The following EPHB4 variants were observed in gnomAD, a reference collection of about 807,000 sequenced individuals.
EPHB4 encodes ephrin type-B receptor 4.
Under a neutral mutation model 110.6 loss-of-function variants are expected in EPHB4, and 50 were observed. That is an observed-to-expected ratio of 0.45 (90% CI 0.36 to 0.57). The LOEUF is 0.57. EPHB4 is among the 20% of genes least tolerant of loss of function. The probability of loss-of-function intolerance (pLI) is 0.00; values close to 1 mark genes in which losing one functional copy is unlikely to be tolerated. For missense variants in EPHB4, 1,128 were observed against 1,382.1 expected, an observed-to-expected ratio of 0.82 and a Z score of 2.91; for synonymous variants, 592 against 578.4, an observed-to-expected ratio of 1.02 and a Z score of -0.34.
intron 1 of EPHB4, among the ~76,000 whole-genome samples, chr7:100,826,021 C>G (rs1313200530): frequency 6.6e-6 from 1 of 152,226 alleles, no homozygotes; most frequent in Admixed American, 6.5e-5. Context: ...GTTTTTCTAA[C>G]GCCGCTGAAT....
intron 7 of EPHB4, among the ~76,000 whole-genome samples, chr7:100,818,162 C>T (rs981526329): frequency 6.6e-6 from 1 of 151,894 alleles, no homozygotes; most frequent in Non-Finnish European, 1.5e-5. Context: ...CTACCGCGCC[C>T]GGCCCATTTT....
At position 100,808,235 on chromosome 7, in the gene EPHB4, T is replaced by TA. The variant is rs548366407; in HGVS notation, c.2119-656dup. Among the ~76,000 whole-genome samples the TA allele has an allele frequency of 8.3e-3, 1,267 of 152,330 alleles. 22 individuals carry two copies. Among genetic ancestry groups the TA allele is most frequent in the African/African-American group, 0.029 (1,205 of 41,564 alleles). ...ATGCTTTTCTGTTTTTTAGTTTTTT[T>TA]AGAGACAAGGTCTCTTTCTTTCCCC... On this transcript the variant is annotated intron_variant, in intron 12 of 16. Coordinates refer to ENST00000358173, the MANE Select transcript of EPHB4 (RefSeq NM_004444.5).
In EPHB4 at chr7:100,813,202, T is replaced by C. The variant is rs1812982089; in HGVS notation, c.1763A>G (p.Lys588Arg). 2 of 1,601,828 alleles carry C rather than the reference T, an allele frequency of 1.2e-6. No individual in the cohort carries two copies. The highest frequency in any genetic ancestry group is 2.7e-5 in the African/African-American group (2 of 74,880). ...ATAAGTGAAGGGGTCGATGTAGACC[T>C]TAGTACCTGAGAAATCAGGCAGGGC... ...HGQYLIGHGT[K>R]VYIDPFTYED... is the part of the protein sequence containing the mutation. The change falls in exon 11 of 17, where the codon AAG (lysine) becomes AGG (arginine). Residue 588 changes from lysine to arginine, a missense_variant. Lys to Arg is a conservative substitution (Grantham distance 26). Around this residue, in one of 3 missense-constraint regions of EPHB4, gnomAD observed 728 missense variants for 828.6 expected, o/e 0.88. Transcript: ENST00000358173.
chr7:100,810,490 C>T (rs1304977653), intron 12 of EPHB4, among the ~76,000 whole-genome samples: 1 of 152,064 alleles, frequency 6.6e-6, no homozygotes, highest in African/African-American at 2.4e-5. Flanking sequence ...GCCTGTAATC[C>T]CAGCACTTTG....
chr7:100,814,374 G>C (rs1466637903), intron 8 of EPHB4, among the ~76,000 whole-genome samples: 3 of 152,148 alleles, frequency 2.0e-5, no homozygotes, highest in African/African-American at 7.2e-5. Context: ...CGCCTCCCGG[G>C]TTCTGCGATT....
chr7:100,817,107 T>C (rs1215265453), intron 8 of EPHB4, 85 bp downstream of exon 8: 10 of 1,055,408 alleles, frequency 9.5e-6, no homozygotes, highest in Admixed American at 4.2e-5. Context: ...AAAAAAAAGA[T>C]GATGGGACTT....
chr7:100,805,613 A>G lies in EPHB4; in HGVS notation c.2566T>C (p.Cys856Arg). 6.4e-7 allele frequency: 1 copy of G among 1,561,898 alleles called. No homozygotes were observed. Among genetic ancestry groups the G allele is most frequent in the Non-Finnish European group, 8.7e-7 (1 of 1,154,720 alleles). ...CGGGCATTCCGGTCTTTCTGCCAACAGTCCAGCATGAGCTGGTGGAGGGAG... is the reference window on the plus strand; with the variant it reads ...CGGGCATTCCGGTCTTTCTGCCAACGGTCCAGCATGAGCTGGTGGAGGGAG... ...PTSLHQLMLD[C>R]WQKDRNARPR... Residue 856 changes from cysteine (C) to arginine (R), a missense_variant, in exon 15 of 17, where the codon TGT becomes CGT. Transcript: ENST00000358173.
At chr7:100,812,148 G>A (rs989472975) in intron 12 of EPHB4, among the ~76,000 whole-genome samples, 2 of 151,590 alleles carry the variant, frequency 1.3e-5, no homozygotes, top group Admixed American at 1.3e-4. Flanking sequence ...CTCCGGCCTG[G>A]GCAACAAGAG....
At chr7:100,805,985 A>C in intron 14 of EPHB4, 1 of 341,368 alleles carries the variant, frequency 2.9e-6, no homozygotes, top group Non-Finnish European at 5.2e-6. Flanking sequence ...ATTAAGACAG[A>C]GTCTCGCTCA....
chr7:100,826,544 G>A (rs906720830), intron 1 of EPHB4, among the ~76,000 whole-genome samples: 4 of 152,056 alleles, frequency 2.6e-5, no homozygotes, highest in Admixed American at 2.6e-4. Context: ...TTGGCGCTGG[G>A]GGTCGTTTTA....
At position 100,805,368 on chromosome 7, in the gene EPHB4, C is replaced by G. The variant is rs367858878; in HGVS notation, c.2679-47G>C. 1.9e-6 allele frequency: 3 copies of G among 1,609,142 alleles called. No individual in the cohort carries two copies. In the Admixed American group the frequency reaches 5.0e-5, roughly 27 times the overall value. On this transcript the variant is annotated intron_variant, in intron 15 of 16. Transcript: ENST00000358173. Reference sequence around the variant, plus strand: ...GAATGCTGAGTACCAGGCCCAGGTCCGGGGGAGGAGGTGGAACCCAGCCTT... The same window carrying G: ...GAATGCTGAGTACCAGGCCCAGGTCGGGGGGAGGAGGTGGAACCCAGCCTT...
rs770387740 is a variant in EPHB4, at chr7:100,813,678, TTGTC to T, written c.1726_1729del (p.Asp576AsnfsTer27). On this transcript the variant is annotated frameshift_variant, in exon 10 of 17. Coordinates refer to ENST00000358173, the MANE Select transcript of EPHB4 (RefSeq NM_004444.5). LOFTEE classifies it high-confidence loss of function. ...ATGTCCGATGAGATACTGTCCGTGTTTGTCCGAATATTCTGCTTCTCTCCCATTG... is the reference window on the plus strand; with the variant it reads ...ATGTCCGATGAGATACTGTCCGTGTTCGAATATTCTGCTTCTCTCCCATTG... 1 of 1,614,084 alleles carries T rather than the reference TTGTC, an allele frequency of 6.2e-7. No homozygotes were observed. Among genetic ancestry groups the T allele is most frequent in the Non-Finnish European group, 8.5e-7 (1 of 1,180,022 alleles).
Position 100,807,573 on chromosome 7 carries a change from T to A in EPHB4, c.2126A>T (p.Asp709Val), listed in dbSNP as rs1293578781. The change falls in exon 13 of 17, where the codon GAC becomes GTC. Residue 709 changes from aspartate (D) to valine (V), a missense_variant. Coordinates refer to ENST00000358173, the MANE Select transcript of EPHB4 (RefSeq NM_004444.5). ...GALDSFLRLN[D>V]GQFTVIQLVG... ...GAGCTGGATGACTGTGAACTGTCCGTCGTTTAGCTGGAGAGCAGATAGGGT... is the reference window on the plus strand; with the variant it reads ...GAGCTGGATGACTGTGAACTGTCCGACGTTTAGCTGGAGAGCAGATAGGGT... 9 of 1,612,398 alleles carry A rather than the reference T, an allele frequency of 5.6e-6. No individual in the cohort carries two copies. Among genetic ancestry groups the A allele is most frequent in the Non-Finnish European group, 7.6e-6 (9 of 1,179,028 alleles).
Position 100,822,694 on chromosome 7 carries a change from T to C in EPHB4, c.412-27A>G. 6.6e-7 allele frequency: 1 copy of C among 1,514,336 alleles called. No individual in the cohort carries two copies. The highest frequency in any genetic ancestry group is 8.9e-7 in the Non-Finnish European group (1 of 1,127,192). The allele number at this position is 1,514,336 out of a possible 1,614,324, so 93.8% of individuals were successfully genotyped here. Reference sequence around the variant, plus strand: ...TGCCGGCGGGGGGGAGGCACACCGCTGCTGTCCCCACTCCCTGAGGACCCA... The same window carrying C: ...TGCCGGCGGGGGGGAGGCACACCGCCGCTGTCCCCACTCCCTGAGGACCCA... On this transcript the variant is annotated intron_variant, in intron 3 of 16. Coordinates refer to ENST00000358173, the MANE Select transcript of EPHB4 (RefSeq NM_004444.5). This position sits in a 1 kb window ranked among gnomAD's most constrained non-coding sequence, Gnocchi z 4.7.
In EPHB4 at chr7:100,818,563, G is replaced by A. The variant is rs1813138929; in HGVS notation, c.1379C>T (p.Pro460Leu). 6.2e-7 allele frequency: 1 copy of A among 1,613,988 alleles called. No homozygotes were observed. Among genetic ancestry groups the A allele is most frequent in the Non-Finnish European group, 8.5e-7 (1 of 1,180,038 alleles). Residue 460 changes from proline to leucine, a missense_variant, in exon 7 of 17, where the codon CCC becomes CTC. Pro to Leu is a moderately conservative substitution (Grantham distance 98, BLOSUM62 -3). Coordinates refer to ENST00000358173, the MANE Select transcript of EPHB4 (RefSeq NM_004444.5). ...LSLAWAVPRA[P>L]SGAVLDYEVK... ...CTCGTAGTCCAGCACAGCCCCACTG[G>A]GTGCCCGGGGAACAGCCCAGGCCAG...
intron 8 of EPHB4, among the ~76,000 whole-genome samples, chr7:100,816,309 G>A (rs546768958): frequency 1.3e-5 from 2 of 151,982 alleles, no homozygotes; most frequent in South Asian, 4.2e-4. Context: ...CAGGGGTCAG[G>A]TTGTTGCTAA....
In EPHB4 at chr7:100,817,244, C is replaced by T. The variant is rs1474084202; in HGVS notation, c.1536G>A (p.Glu512=). Reference sequence around the variant, plus strand: ...CCTGGCCGAAGGGCCCGTAGCCGGCCTCAGAGCGCGCCCGTACCTGCACCA... The same window carrying T: ...CCTGGCCGAAGGGCCCGTAGCCGGCTTCAGAGCGCGCCCGTACCTGCACCA... The part of the protein sequence containing the change: ...SYLVQVRARS[E]AGYGPFGQEH... Residue 512 remains glutamate (E), a synonymous_variant, in exon 8 of 17, where the codon GAG becomes GAA. Transcript: ENST00000358173. 1 of 1,603,144 alleles carries T rather than the reference C, an allele frequency of 6.2e-7. No homozygotes were observed.
rs956286550 is a variant in EPHB4, at chr7:100,822,054, C to T, written c.808+217G>A. Among the ~76,000 whole-genome samples, 8 of 151,934 alleles carry T rather than the reference C, an allele frequency of 5.3e-5. No homozygotes were observed. The highest frequency in any genetic ancestry group is 1.5e-4 in the African/African-American group (6 of 41,366). On this transcript the variant is annotated intron_variant, in intron 4 of 16. Transcript: ENST00000358173. This position sits in a 1 kb window ranked among gnomAD's most constrained non-coding sequence, Gnocchi z 4.7. ...GTGTGCCTGTAGTCCCAGCTACTCA[C>T]GAGGCTGAGGCAGGAGAACTGCTTG...
chr7:100,816,937 G>T (rs185625575), intron 8 of EPHB4, among the ~76,000 whole-genome samples: 4 of 152,060 alleles, frequency 2.6e-5, no homozygotes, highest in Non-Finnish European at 4.4e-5. Context: ...CAAAAAATCG[G>T]CCAGGCGCGG....
Sources: gnomAD v4.1 joint callset for allele counts (sites outside exome capture counted in the v4.1 genomes callset) on GRCh38, gnomAD v4.1.1 for gene constraint, gnomAD v4.1.1 regional missense constraint, Gnocchi (gnomAD v3.1) non-coding constraint, MANE v1.5 for transcripts, NCBI Gene and HGNC (gene_info 2026-07-23, HGNC 2026-07-21) for gene names.